SMNDC1: variants seen among roughly 807,000 people sequenced by gnomAD.
The protein encoded by SMNDC1 is survival motor neuron domain containing 1.
A neutral mutation model predicts 29.2 loss-of-function variants in SMNDC1; 5 were observed. That is an observed-to-expected ratio of 0.17 (90% CI 0.09 to 0.36). The LOEUF (loss-of-function observed/expected upper bound fraction) is 0.36, where lower values mean the gene tolerates loss of function less well. Among genes scored for constraint, SMNDC1 ranks in the 10% least tolerant of loss-of-function variants. The probability of loss-of-function intolerance (pLI) is 1.00; values close to 1 mark genes in which losing one functional copy is unlikely to be tolerated. For missense variants in SMNDC1, 142 were observed against 268.5 expected (o/e 0.53, Z 3.29); for synonymous variants, 80 against 89.9 (o/e 0.89, Z 0.62).
intron 2 of SMNDC1, chr10:110,300,536 A>G: frequency 1.0e-6 from 1 of 983,984 alleles, no homozygotes; most frequent in Non-Finnish European, 1.2e-6. Flanking sequence ...GGGGTTCTTG[A>G]AGGTACATAC....
At chr10:110,303,950 A>C (rs1857697636) in intron 1 of SMNDC1, 1 of 187,712 alleles carries the variant, frequency 5.3e-6, no homozygotes, top group Non-Finnish European at 1.1e-5. Context: ...CGAAACTTTC[A>C]AAAACAATCC....
rs1304172722 is a variant in SMNDC1, at chr10:110,293,523, G to T, written c.*627C>A. Reference sequence around the variant, plus strand: ...AAAAAACAAAAACACCTTAGAAAAGGGAGCTCATCCTAAGGTTTCTTACAT... The same window carrying T: ...AAAAAACAAAAACACCTTAGAAAAGTGAGCTCATCCTAAGGTTTCTTACAT... On this transcript the variant is annotated 3_prime_UTR_variant, in exon 6 of 6. Coordinates refer to ENST00000369603, the MANE Select transcript of SMNDC1 (RefSeq NM_005871.4). 2 of 152,020 alleles carry T rather than the reference G, an allele frequency of 1.3e-5. No homozygotes were observed. The highest frequency in any genetic ancestry group is 4.8e-5 in the African/African-American group (2 of 41,366). 9.4% of individuals were successfully genotyped at this position (152,020 alleles called of 1,614,324 possible).
In SMNDC1 at chr10:110,292,980, G is replaced by C. The variant is rs1413959403; in HGVS notation, c.*1170C>G. 6.6e-6 allele frequency: 1 copy of C among 152,124 alleles called. No homozygotes were observed. Among genetic ancestry groups the C allele is most frequent in the Non-Finnish European group, 1.5e-5 (1 of 67,992 alleles). 9.4% of individuals were successfully genotyped at this position (152,124 alleles called of 1,614,324 possible). On this transcript the variant is annotated 3_prime_UTR_variant, in exon 6 of 6. Coordinates refer to ENST00000369603, the MANE Select transcript of SMNDC1 (RefSeq NM_005871.4). Reference sequence around the variant, plus strand: ...GCATGAATGCCGTGTGCAAGTACTTGGAGGTTTAATTGCTTTAAGTGCTGA... The same window carrying C: ...GCATGAATGCCGTGTGCAAGTACTTCGAGGTTTAATTGCTTTAAGTGCTGA...
At chr10:110,304,385 C>G (rs1356045347) in intron 1 of SMNDC1, 1 of 152,324 alleles carries the variant, frequency 6.6e-6, no homozygotes, top group East Asian at 1.9e-4. Context: ...CTCCCCGCCA[C>G]GCAGCACCTC....
chr10:110,292,816 A>G lies in SMNDC1; in HGVS notation c.*1334T>C, dbSNP rs1857514156. On this transcript the variant is annotated 3_prime_UTR_variant, in exon 6 of 6. Transcript: ENST00000369603. The stretch of plus-strand genomic sequence containing the variant: ...AAATAAAAACTTATTTTCCCCTTCC[A>G]CCAAAAATCTACAAACACCCATTAA... 6.6e-6 allele frequency: 1 copy of G among 152,140 alleles called. No individual in the cohort carries two copies. The highest frequency in any genetic ancestry group is 1.5e-5 in the Non-Finnish European group (1 of 68,012). 9.4% of individuals were successfully genotyped at this position (152,140 alleles called of 1,614,324 possible).
chr10:110,294,519 T>C (rs1857539494), intron 5 of SMNDC1, among the ~76,000 whole-genome samples: 1 of 152,208 alleles, frequency 6.6e-6, no homozygotes, highest in South Asian at 2.1e-4. Context: ...CTCATAACAC[T>C]TGCCTTCTGA....
chr10:110,298,035 C>T (rs1857592296), intron 3 of SMNDC1, among the ~76,000 whole-genome samples: 1 of 152,210 alleles, frequency 6.6e-6, no homozygotes, highest in African/African-American at 2.4e-5. Flanking sequence ...GTCGCCCAGG[C>T]TGGAGTGCAG....
Position 110,291,571 on chromosome 10 carries a change from G to A in SMNDC1, c.*2579C>T, listed in dbSNP as rs1170822185. The stretch of plus-strand genomic sequence containing the variant: ...CAGACGCTTCTATAGTGCTTATGCC[G>A]GATACTCTTAAGCTATTTACACATT... On this transcript the variant is annotated 3_prime_UTR_variant, in exon 6 of 6. Coordinates refer to ENST00000369603, the MANE Select transcript of SMNDC1 (RefSeq NM_005871.4). The A allele has an allele frequency of 1.3e-5, 2 of 152,042 alleles. No homozygotes were observed. Among genetic ancestry groups the A allele is most frequent in the Non-Finnish European group, 2.9e-5 (2 of 68,022 alleles). 9.4% of individuals were successfully genotyped at this position (152,042 alleles called of 1,614,324 possible).
chr10:110,303,778 TTC>T (rs1454964456), intron 1 of SMNDC1, 191 bp from the exon 2 acceptor site: 1 of 515,862 alleles, frequency 1.9e-6, no homozygotes, highest in Admixed American at 4.3e-5. Context: ...AGGCAACAGA[TTC>T]TGAGGATTAT....
chr10:110,299,870 AAATCTCTTGAAGAAAGG>A (rs1158837812), intron 2 of SMNDC1, among the ~76,000 whole-genome samples: 5 of 152,230 alleles, frequency 3.3e-5, no homozygotes, highest in African/African-American at 1.2e-4. Flanking sequence ...TTTGAGTCTT[AAATCTCTTGAAGAAAGG>A]TTAGTTTTAT....
rs1857504920 is a variant in SMNDC1, at chr10:110,292,002, A to G, written c.*2148T>C. On this transcript the variant is annotated 3_prime_UTR_variant, in exon 6 of 6. Transcript: ENST00000369603. ...CCTTTCTTAATGGGGAAAACTCTAC[A>G]TTAAATTTTCTAACAAAGCTTTTTA... 1 of 152,222 alleles carries G rather than the reference A, an allele frequency of 6.6e-6. No homozygotes were observed. The highest frequency in any genetic ancestry group is 2.4e-5 in the African/African-American group (1 of 41,446). The allele number at this position is 152,222 out of a possible 1,614,324, so 9.4% of individuals were successfully genotyped here.
chr10:110,291,700 T>C lies in SMNDC1; in HGVS notation c.*2450A>G, dbSNP rs1564731820. On this transcript the variant is annotated 3_prime_UTR_variant, in exon 6 of 6. Transcript: ENST00000369603. Reference sequence around the variant, plus strand: ...TAAATGGGAATACACAGGTAATAAATGGTAATAAACAAACACTAGTCTGGC... The same window carrying C: ...TAAATGGGAATACACAGGTAATAAACGGTAATAAACAAACACTAGTCTGGC... 1 of 152,194 alleles carries C rather than the reference T, an allele frequency of 6.6e-6. No homozygotes were observed. The highest frequency in any genetic ancestry group is 1.5e-5 in the Non-Finnish European group (1 of 68,034). The allele number at this position is 152,194 out of a possible 1,614,324, so 9.4% of individuals were successfully genotyped here. A position where few individuals can be genotyped will look rare whatever the true frequency, so the allele number is the denominator to read the frequency against.
intron 3 of SMNDC1, 88 bp from the exon 4 acceptor site, chr10:110,297,816 T>C: frequency 8.7e-7 from 1 of 1,150,252 alleles, no homozygotes; most frequent in African/African-American, 1.6e-5. Flanking sequence ...AATTATTACA[T>C]GTGTCTATAA....
At chr10:110,296,261 A>C (rs1181543984) in intron 4 of SMNDC1, among the ~76,000 whole-genome samples, 4 of 152,212 alleles carry the variant, frequency 2.6e-5, no homozygotes, top group African/African-American at 7.2e-5. Context: ...ATTTCTGCTC[A>C]GTTAACACTG....
intron 5 of SMNDC1, among the ~76,000 whole-genome samples, 169 bp from the exon 6 acceptor site, chr10:110,294,456 A>G (rs1857538651): frequency 6.6e-6 from 1 of 152,224 alleles, no homozygotes; most frequent in South Asian, 2.1e-4. Flanking sequence ...CCATGCTGGA[A>G]GCCATTTACT....
Position 110,291,111 on chromosome 10 carries a change from G to C in SMNDC1, c.*3039C>G, listed in dbSNP as rs931752029. 1 of 152,156 alleles carries C rather than the reference G, an allele frequency of 6.6e-6. No individual in the cohort carries two copies. The highest frequency in any genetic ancestry group is 2.4e-5 in the African/African-American group (1 of 41,422). The allele number at this position is 152,156 out of a possible 1,614,324, so 9.4% of individuals were successfully genotyped here. A position where few individuals can be genotyped will look rare whatever the true frequency, so the allele number is the denominator to read the frequency against. On this transcript the variant is annotated 3_prime_UTR_variant, in exon 6 of 6. Transcript: ENST00000369603. ...GTTTGACGCCTAGTCTTCATGATTA[G>C]GCTAAAAGGTAATTTTTCTTCATTT...
intron 2 of SMNDC1, among the ~76,000 whole-genome samples, chr10:110,302,246 A>C (rs1018541699): frequency 1.3e-5 from 2 of 152,188 alleles, no homozygotes; most frequent in Non-Finnish European, 2.9e-5. Context: ...TTTCTCACTT[A>C]AGGGCCTGGG....
intron 2 of SMNDC1, among the ~76,000 whole-genome samples, chr10:110,301,268 G>T (rs1041339022): frequency 1.3e-5 from 2 of 152,216 alleles, no homozygotes; most frequent in African/African-American, 4.8e-5. Context: ...ATGAGGGGGG[G>T]AACCCCACAG....
intron 4 of SMNDC1, among the ~76,000 whole-genome samples, chr10:110,296,428 G>C (rs1300970722): frequency 6.6e-6 from 1 of 152,076 alleles, no homozygotes; most frequent in Non-Finnish European, 1.5e-5. Context: ...TATTTTATTG[G>C]AATGCTTACA....
Sources: allele counts gnomAD v4.1 joint callset (sites outside exome capture counted in the v4.1 genomes callset), GRCh38; gene constraint gnomAD v4.1.1; transcripts MANE v1.5; gene names NCBI Gene and HGNC (gene_info 2026-07-23, HGNC 2026-07-21).